KLRG2: variants seen among roughly 807,000 people sequenced by gnomAD.
KLRG2 encodes killer cell lectin-like receptor subfamily G member 2.
In KLRG2, 39 loss-of-function variants were observed where a neutral mutation model predicts 35.4. That is an observed-to-expected ratio of 1.10 (90% CI 0.85 to 1.44). The LOEUF (loss-of-function observed/expected upper bound fraction) is 1.44. Ranked by LOEUF, KLRG2 falls within the 40% of genes most tolerant of loss-of-function variation. KLRG2 has a pLI of 0.00. For missense variants in KLRG2, 632 were observed against 570.9 expected (o/e 1.11, Z -1.09); for synonymous variants, 283 against 265.8 (o/e 1.06, Z -0.63).
the KLRG2 span, among the ~76,000 whole-genome samples, chr7:139,435,585 C>T: frequency 6.6e-6 from 1 of 152,060 alleles, no homozygotes; most frequent in African/African-American, 2.4e-5. Context: ...CCCACAAATT[C>T]TCTCCTGGCC....
chr7:139,475,183 G>C (rs1308546957), intron 3 of KLRG2, among the ~76,000 whole-genome samples: 1 of 152,208 alleles, frequency 6.6e-6, no homozygotes, highest in African/African-American at 2.4e-5. Context: ...ACAGGACAGG[G>C]TTTGGGGGCT....
chr7:139,481,908 C>T lies in KLRG2; in HGVS notation c.757+978G>A, dbSNP rs146925868. Among the ~76,000 whole-genome samples the T allele has an allele frequency of 5.9e-3, 889 of 151,332 alleles. 11 individuals are homozygous for T. Among genetic ancestry groups the T allele is most frequent in the African/African-American group, 0.02 (844 of 41,206 alleles). ...TGCCATTGCACTCCAGCCTGGGTGA[C>T]AAGCGCAAAACTTATTTCTTAAAAA... On this transcript the variant is annotated intron_variant, in intron 1 of 4. Transcript: ENST00000340940.
intron 3 of KLRG2, among the ~76,000 whole-genome samples, chr7:139,469,067 G>T (rs1200094797): frequency 1.3e-5 from 2 of 152,204 alleles, no homozygotes; most frequent in East Asian, 3.8e-4. Context: ...CAGACTTCCA[G>T]CCTTCAGGAC....
chr7:139,480,602 T>C (rs1003795138), intron 1 of KLRG2, among the ~76,000 whole-genome samples: 2 of 151,336 alleles, frequency 1.3e-5, no homozygotes, highest in Admixed American at 6.6e-5. Context: ...CGTGCCACCA[T>C]GCCCGGCTAA....
At chr7:139,450,121 C>T (rs11769497), downstream of KLRG2, among the ~76,000 whole-genome samples, 2,800 of 151,946 alleles carry the variant, frequency 0.018, 36 homozygotes, top group Non-Finnish European at 0.029. Flanking sequence ...TGCCTCACTG[C>T]AACCTCTGCC....
chr7:139,438,237 AT>A, the KLRG2 span, among the ~76,000 whole-genome samples: 2 of 152,168 alleles, frequency 1.3e-5, no homozygotes, highest in African/African-American at 2.4e-5. Context: ...ATGCAGTTTT[AT>A]TTATTTTTGA....
At chr7:139,454,295 A>T (rs1404312089) in intron 3 of KLRG2, 81 bp from the exon 4 acceptor site, 1 of 716,744 alleles carries the variant, frequency 1.4e-6, no homozygotes, top group East Asian at 2.7e-5. Context: ...TGGGGCTTCC[A>T]CAGGATCCCA....
At chr7:139,441,479 G>A in the KLRG2 span, among the ~76,000 whole-genome samples, 1 of 152,230 alleles carries the variant, frequency 6.6e-6, no homozygotes, top group East Asian at 1.9e-4. Context: ...TGGTGGGTGG[G>A]GGACTGGGGG....
At chr7:139,439,610 CA>C in the KLRG2 span, among the ~76,000 whole-genome samples, 4,606 of 152,246 alleles carry the variant, frequency 0.03, 91 homozygotes, top group South Asian at 0.066. Context: ...CCCAAGCTGC[CA>C]TCCCTCAAGA....
chr7:139,454,249 ACAC>A, intron 3 of KLRG2, 35 bp from the exon 4 acceptor site: 1 of 1,069,138 alleles, frequency 9.4e-7, no homozygotes, highest in Non-Finnish European at 1.4e-6. Context: ...ACTCCCCTGG[ACAC>A]TGGCGTGGCT....
chr7:139,450,343 C>T (rs543526065), downstream of KLRG2, among the ~76,000 whole-genome samples: 17 of 152,222 alleles, frequency 1.1e-4, no homozygotes, highest in South Asian at 3.3e-3. Flanking sequence ...CCTGTCTCAG[C>T]CTCCCGAGTA....
chr7:139,430,854 C>G, the KLRG2 span, among the ~76,000 whole-genome samples: 3 of 151,610 alleles, frequency 2.0e-5, no homozygotes, highest in Non-Finnish European at 4.4e-5. Context: ...ACTAAAAATA[C>G]AAAAATTAGC....
At chr7:139,431,196 A>G in the KLRG2 span, among the ~76,000 whole-genome samples, 53 of 152,278 alleles carry the variant, frequency 3.5e-4, 1 homozygote, top group South Asian at 6.2e-4. Context: ...AAATCCTAGA[A>G]CAGGCAAAAC....
At chr7:139,464,665 A>G (rs1796619812) in intron 3 of KLRG2, among the ~76,000 whole-genome samples, 1 of 152,254 alleles carries the variant, frequency 6.6e-6, no homozygotes, top group South Asian at 2.1e-4. Context: ...GCCAAAGTGC[A>G]GGACTCTGTG....
chr7:139,467,601 G>A (rs970083879), intron 3 of KLRG2, among the ~76,000 whole-genome samples: 73 of 151,824 alleles, frequency 4.8e-4, no homozygotes, highest in Non-Finnish European at 7.8e-4. Context: ...TAAGGGCGGT[G>A]CAAGATGTGC....
the KLRG2 span, among the ~76,000 whole-genome samples, chr7:139,439,379 C>G: frequency 4.6e-5 from 7 of 152,124 alleles, no homozygotes; most frequent in Non-Finnish European, 8.8e-5. Flanking sequence ...TGGGGAAGGG[C>G]CTTGAGGGAG....
chr7:139,472,121 T>TC (rs1796767904), intron 3 of KLRG2, among the ~76,000 whole-genome samples: 1 of 152,016 alleles, frequency 6.6e-6, no homozygotes, highest in East Asian at 1.9e-4. Context: ...CTCCCTCCCC[T>TC]CCCTATTGTG....
At chr7:139,451,865 C>A (rs921378800), downstream of KLRG2, among the ~76,000 whole-genome samples, 2 of 151,608 alleles carry the variant, frequency 1.3e-5, no homozygotes, top group Non-Finnish European at 2.9e-5. Context: ...GGGATGGGGG[C>A]GGTAACATAC....
At position 139,453,663 on chromosome 7, in the gene KLRG2, GC is replaced by G. The variant is rs1488674756; in HGVS notation, c.1153del (p.Ala385ProfsTer48). On this transcript the variant is annotated frameshift_variant, in exon 5 of 5. Coordinates refer to ENST00000340940, the MANE Select transcript of KLRG2 (RefSeq NM_198508.4). LOFTEE classifies it high-confidence loss of function. The stretch of plus-strand genomic sequence containing the variant: ...AGCCACCAGCGTGCCTTCCTCCAGG[GC>G]CCCACAGTTGATATCCAGATTGTCC... ...GEDNLDINCG[A>X]LEEGTLVAAN... 11 of 1,613,954 alleles carry G rather than the reference GC, an allele frequency of 6.8e-6. No individual in the cohort carries two copies. Among genetic ancestry groups the G allele is most frequent in the Admixed American group, 3.3e-5 (2 of 59,992 alleles).
Sources: allele counts gnomAD v4.1 joint callset (sites outside exome capture counted in the v4.1 genomes callset), GRCh38; gene constraint gnomAD v4.1.1; transcripts MANE v1.5; gene names NCBI Gene and HGNC (gene_info 2026-07-23, HGNC 2026-07-21).